Variants in PACSIN1 observed in about 807,000 individuals in gnomAD.
The protein encoded by PACSIN1 is protein kinase C and casein kinase substrate in neurons protein 1.
A neutral mutation model predicts 59.5 loss-of-function variants in PACSIN1; 15 were observed. The observed-to-expected ratio is 0.25, with a 90% CI of 0.17 to 0.39. The LOEUF is 0.39. Among genes scored for constraint, PACSIN1 ranks in the 10% least tolerant of loss-of-function variants. PACSIN1 has a pLI of 1.00. For missense variants in PACSIN1, 420 were observed against 580.2 expected (o/e 0.72, Z 2.84); for synonymous variants, 210 against 220.6 (o/e 0.95, Z 0.42).
chr6:34,482,840 C>T (rs1323130509), intron 1 of PACSIN1, among the ~76,000 whole-genome samples: 15 of 151,710 alleles, frequency 9.9e-5, no homozygotes. Flanking sequence ...CCTGCCGCCA[C>T]ACCCAGCTAA....
chr6:34,512,313 G>A (rs1282903384), intron 1 of PACSIN1, among the ~76,000 whole-genome samples: 1 of 150,448 alleles, frequency 6.6e-6, no homozygotes, highest in Non-Finnish European at 1.5e-5. Flanking sequence ...ACAGGACGTG[G>A]GGTCTGCCTG....
intron 1 of PACSIN1, among the ~76,000 whole-genome samples, chr6:34,509,626 A>C (rs550505817): frequency 6.6e-6 from 1 of 152,282 alleles, no homozygotes; most frequent in Admixed American, 6.5e-5. Context: ...AAGAGGGATT[A>C]CATTGAGTCT....
intron 1 of PACSIN1, among the ~76,000 whole-genome samples, chr6:34,479,615 TTTTTA>T (rs972859040): frequency 1.4e-4 from 21 of 151,902 alleles, no homozygotes; most frequent in Admixed American, 8.5e-4. Flanking sequence ...TTTAAATTTA[TTTTTA>T]TTTTATTTTA....
intron 1 of PACSIN1, among the ~76,000 whole-genome samples, chr6:34,504,373 C>A (rs1289447010): frequency 6.6e-6 from 1 of 151,128 alleles, no homozygotes; most frequent in African/African-American, 2.4e-5. Flanking sequence ...CTCACTGCAA[C>A]CTCTGCCTCC....
intron 1 of PACSIN1, among the ~76,000 whole-genome samples, chr6:34,510,151 T>C (rs1026424770): frequency 2.8e-4 from 42 of 152,388 alleles, no homozygotes; most frequent in Admixed American, 7.8e-4. Context: ...AGAACGAAGC[T>C]TCTATGAACA....
Position 34,514,874 on chromosome 6 carries a change from T to G in PACSIN1, c.-63-11369T>G, listed in dbSNP as rs1035684664. ...CGGTGGAGGGAGCTGGCTCCTGCAG[T>G]TCTGGCGCTGCTGCCTTCCTGAGTG... is the stretch of plus-strand genomic sequence containing the variant. On this transcript the variant is annotated intron_variant, in intron 1 of 9. Coordinates refer to ENST00000244458, the MANE Select transcript of PACSIN1 (RefSeq NM_020804.5). This position sits in a 1 kb window ranked among gnomAD's most constrained non-coding sequence, Gnocchi z 4.4. 2 of 152,260 alleles carry G rather than the reference T, an allele frequency of 1.3e-5. No homozygotes were observed. The highest frequency in any genetic ancestry group is 4.8e-5 in the African/African-American group (2 of 41,410). 9.4% of individuals were successfully genotyped at this position (152,260 alleles called of 1,614,324 possible).
At chr6:34,476,423 A>G (rs1435278908) in intron 1 of PACSIN1, among the ~76,000 whole-genome samples, 2 of 116,154 alleles carry the variant, frequency 1.7e-5, no homozygotes, top group Non-Finnish European at 1.8e-5. Context: ...CCCTCCCCAC[A>G]CTCCCTCCCC....
chr6:34,528,898 C>A, intron 4 of PACSIN1, 21 bp downstream of exon 4: 1 of 298,346 alleles, frequency 3.4e-6, no homozygotes, highest in South Asian at 2.8e-5. Context: ...GGTGCTGCCA[C>A]GGGCGGGGTG....
chr6:34,530,200 G>A lies in PACSIN1; in HGVS notation c.789-43G>A. 3 of 1,576,288 alleles carry A rather than the reference G, an allele frequency of 1.9e-6. No individual in the cohort carries two copies. The highest frequency in any genetic ancestry group is 2.3e-5 in the East Asian group (1 of 44,270). On this transcript the variant is annotated intron_variant, in intron 6 of 9. Coordinates refer to ENST00000244458, the MANE Select transcript of PACSIN1 (RefSeq NM_020804.5). The surrounding 1 kb of genome is among the most constrained non-coding windows in gnomAD (Gnocchi z 4.4). The stretch of plus-strand genomic sequence containing the variant: ...CTCACCAAGGTTGAGGAGGGGCCAT[G>A]TTGAATCTGTGCCCTCCACCTCCCC...
intron 1 of PACSIN1, among the ~76,000 whole-genome samples, chr6:34,485,958 G>C (rs1766787173): frequency 6.6e-6 from 1 of 152,214 alleles, no homozygotes; most frequent in Admixed American, 6.5e-5. Flanking sequence ...TCTGCCACCA[G>C]AGGGAGGAGA....
At chr6:34,491,218 C>T (rs1766871478) in intron 1 of PACSIN1, among the ~76,000 whole-genome samples, 1 of 152,160 alleles carries the variant, frequency 6.6e-6, no homozygotes. Flanking sequence ...CTCACTTGGC[C>T]TTAAATTAGT....
intron 1 of PACSIN1, among the ~76,000 whole-genome samples, chr6:34,502,460 CTTTTTTTTTTT>C (rs562155609): frequency 1.7e-5 from 1 of 59,046 alleles, no homozygotes; most frequent in Non-Finnish European, 3.5e-5. Context: ...AAGAAGCCAT[CTTTTTTTTTTT>C]TTTTTTTTTT....
chr6:34,489,066 A>G (rs2127251331), intron 1 of PACSIN1, among the ~76,000 whole-genome samples: 1 of 151,850 alleles, frequency 6.6e-6, no homozygotes, highest in Admixed American at 6.6e-5. Flanking sequence ...CTGTAGTTCC[A>G]GCTACTTGGG....
At chr6:34,476,670 C>T (rs944147786) in intron 1 of PACSIN1, among the ~76,000 whole-genome samples, 2 of 152,166 alleles carry the variant, frequency 1.3e-5, no homozygotes, top group Non-Finnish European at 2.9e-5. Flanking sequence ...GCTGGGTGGG[C>T]CTTTCTGCCA....
chr6:34,498,453 T>C (rs1293698241), intron 1 of PACSIN1, among the ~76,000 whole-genome samples: 1 of 152,132 alleles, frequency 6.6e-6, no homozygotes, highest in Non-Finnish European at 1.5e-5. Flanking sequence ...TCATCAGATA[T>C]ATGATTTGCA....
At chr6:34,500,456 A>G (rs761480013) in intron 1 of PACSIN1, among the ~76,000 whole-genome samples, 1 of 152,198 alleles carries the variant, frequency 6.6e-6, no homozygotes, top group African/African-American at 2.4e-5. Flanking sequence ...TTTTCTGAGC[A>G]GTAGGTCTCA....
chr6:34,530,194 G>T lies in PACSIN1; in HGVS notation c.789-49G>T. ...TGGCCTCTCACCAAGGTTGAGGAGG[G>T]GCCATGTTGAATCTGTGCCCTCCAC... On this transcript the variant is annotated intron_variant, in intron 6 of 9. Coordinates refer to ENST00000244458, the MANE Select transcript of PACSIN1 (RefSeq NM_020804.5). This position sits in a 1 kb window ranked among gnomAD's most constrained non-coding sequence, Gnocchi z 4.4. 1 of 1,567,394 alleles carries T rather than the reference G, an allele frequency of 6.4e-7. No homozygotes were observed. The highest frequency in any genetic ancestry group is 8.7e-7 in the Non-Finnish European group (1 of 1,151,714).
chr6:34,526,168 G>T, intron 1 of PACSIN1, 75 bp from the exon 2 acceptor site: 1 of 660,644 alleles, frequency 1.5e-6, no homozygotes, highest in Non-Finnish European at 2.6e-6. Context: ...TCGGTTTGGG[G>T]ACCCAGGCCT....
At chr6:34,512,447 G>T (rs1767219199) in intron 1 of PACSIN1, among the ~76,000 whole-genome samples, 1 of 152,142 alleles carries the variant, frequency 6.6e-6, no homozygotes, top group Non-Finnish European at 1.5e-5. Flanking sequence ...CCGGCAGGTG[G>T]GCAGGGGGCT....
Sources: allele counts gnomAD v4.1 joint callset (sites outside exome capture counted in the v4.1 genomes callset), GRCh38; gene constraint gnomAD v4.1.1; non-coding constraint Gnocchi (gnomAD v3.1); transcripts MANE v1.5; gene names NCBI Gene and HGNC (gene_info 2026-07-23, HGNC 2026-07-21).